The following EFNA5 variants were observed in gnomAD, a reference collection of about 807,000 sequenced individuals.
EFNA5 encodes the protein ephrin A5, also known as ephrin-A5.
Under a neutral mutation model 22.9 loss-of-function variants are expected in EFNA5, and 5 were observed. The observed-to-expected ratio is 0.22, with a 90% confidence interval of 0.11 to 0.46. EFNA5 has a LOEUF of 0.46. Ranked by LOEUF, EFNA5 falls within the 20% of genes least tolerant of loss-of-function variation. The pLI is 0.99. For missense variants in EFNA5, 237 were observed against 293.3 expected, an observed-to-expected ratio of 0.81 and a Z score of 1.40; for synonymous variants, 113 against 112.2, an observed-to-expected ratio of 1.01 and a Z score of -0.04.
chr5:107,535,364 T>G (rs145056449), intron 1 of EFNA5, among the ~76,000 whole-genome samples: 1 of 152,184 alleles, frequency 6.6e-6, no homozygotes, highest in Non-Finnish European at 1.5e-5. Context: ...TGATAAATAA[T>G]ACTGAAGAAC....
intron 1 of EFNA5, among the ~76,000 whole-genome samples, chr5:107,475,984 A>G (rs1442701239): frequency 6.9e-6 from 1 of 145,260 alleles, no homozygotes; most frequent in Non-Finnish European, 1.5e-5. Flanking sequence ...TTGAAATGGT[A>G]CAGTTTGAAC....
At chr5:107,617,123 C>T (rs1476513784) in intron 1 of EFNA5, among the ~76,000 whole-genome samples, 1 of 151,828 alleles carries the variant, frequency 6.6e-6, no homozygotes, top group Non-Finnish European at 1.5e-5. Context: ...AACCCTAATT[C>T]AGCAGATACC....
At chr5:107,481,392 C>T (rs560455264) in intron 1 of EFNA5, among the ~76,000 whole-genome samples, 35 of 152,044 alleles carry the variant, frequency 2.3e-4, no homozygotes, top group Non-Finnish European at 4.9e-4. Context: ...AGCAAGTGTG[C>T]CTTTGAGAAG....
At chr5:107,396,023 C>T (rs868600466) in intron 2 of EFNA5, among the ~76,000 whole-genome samples, 2 of 152,122 alleles carry the variant, frequency 1.3e-5, no homozygotes, top group Non-Finnish European at 2.9e-5. Context: ...ATTCCTCATT[C>T]GTAAGATATT....
intron 1 of EFNA5, among the ~76,000 whole-genome samples, chr5:107,663,305 CTAATCTCTAAGTAGG>C (rs1751003208): frequency 6.6e-6 from 1 of 152,038 alleles, no homozygotes; most frequent in South Asian, 2.1e-4. Flanking sequence ...CATATTTTTT[CTAATCTCTAAGTAGG>C]TATTCATGTG....
chr5:107,419,021 C>A (rs78515214), intron 2 of EFNA5, among the ~76,000 whole-genome samples: 2,326 of 152,300 alleles, frequency 0.015, 49 homozygotes, highest in African/African-American at 0.052. Context: ...GAATTGCCTC[C>A]TCCACCTTTG....
intron 2 of EFNA5, among the ~76,000 whole-genome samples, chr5:107,401,307 G>A (rs544818015): frequency 1.6e-3 from 247 of 152,200 alleles, no homozygotes; most frequent in African/African-American, 5.4e-3. Flanking sequence ...CTATTTTGCC[G>A]CTGCTTAGTG....
chr5:107,551,223 C>T (rs565843043), intron 1 of EFNA5, among the ~76,000 whole-genome samples: 6 of 152,270 alleles, frequency 3.9e-5, no homozygotes, highest in African/African-American at 9.6e-5. Flanking sequence ...AGGTGCAGAG[C>T]CAGGATTCAA....
At chr5:107,465,907 T>C (rs530121109) in intron 1 of EFNA5, among the ~76,000 whole-genome samples, 1 of 152,152 alleles carries the variant, frequency 6.6e-6, no homozygotes, top group East Asian at 1.9e-4. Context: ...GTACCAGACA[T>C]GTGCGGTGTG....
chr5:107,393,169 G>A (rs1747832807), intron 2 of EFNA5, among the ~76,000 whole-genome samples: 1 of 151,940 alleles, frequency 6.6e-6, no homozygotes, highest in African/African-American at 2.4e-5. Context: ...ATGGAAAGGT[G>A]GTCTTTAAAA....
chr5:107,512,183 C>T (rs1473534828), intron 1 of EFNA5, among the ~76,000 whole-genome samples: 1 of 152,092 alleles, frequency 6.6e-6, no homozygotes, highest in Non-Finnish European at 1.5e-5. Flanking sequence ...GAAGTCCCAC[C>T]CCACTGAGTC....
chr5:107,497,865 A>G (rs753582020), intron 1 of EFNA5, among the ~76,000 whole-genome samples: 12 of 152,262 alleles, frequency 7.9e-5, no homozygotes, highest in Non-Finnish European at 1.5e-4. Flanking sequence ...GAGAAAAACT[A>G]AAACATTTAA....
At chr5:107,466,244 C>T (rs756833715) in intron 1 of EFNA5, among the ~76,000 whole-genome samples, 8 of 152,240 alleles carry the variant, frequency 5.3e-5, no homozygotes, top group Admixed American at 1.3e-4. Flanking sequence ...AGACAATAGA[C>T]GGCTCATAAG....
At chr5:107,594,775 C>T (rs1029377186) in intron 1 of EFNA5, among the ~76,000 whole-genome samples, 2 of 152,180 alleles carry the variant, frequency 1.3e-5, no homozygotes, top group Non-Finnish European at 2.9e-5. Flanking sequence ...CCCTGTTTTA[C>T]CCCGTATGCA....
chr5:107,528,069 G>C (rs924929677), intron 1 of EFNA5, among the ~76,000 whole-genome samples: 1 of 152,198 alleles, frequency 6.6e-6, no homozygotes, highest in African/African-American at 2.4e-5. Context: ...GCACAAAATT[G>C]CATCTCTACA....
intron 1 of EFNA5, among the ~76,000 whole-genome samples, chr5:107,428,066 A>C (rs1748851893): frequency 6.6e-6 from 1 of 152,230 alleles, no homozygotes; most frequent in South Asian, 2.1e-4. Context: ...TTAGAAAGAC[A>C]ATTCCTAAAA....
intron 1 of EFNA5, among the ~76,000 whole-genome samples, chr5:107,510,748 A>G (rs1277034134): frequency 6.6e-6 from 1 of 152,180 alleles, no homozygotes; most frequent in African/African-American, 2.4e-5. Flanking sequence ...CTTTTTTTAT[A>G]AACCTCCTGG....
chr5:107,612,345 T>C (rs1052143251), intron 1 of EFNA5, among the ~76,000 whole-genome samples: 1 of 152,130 alleles, frequency 6.6e-6, no homozygotes, highest in Non-Finnish European at 1.5e-5. Context: ...TATTGAGGAA[T>C]GTCAGGTAAG....
intron 1 of EFNA5, among the ~76,000 whole-genome samples, chr5:107,580,551 T>C (rs12719573): frequency 0.29 from 44,564 of 151,400 alleles, 6,826 homozygotes; most frequent in Middle Eastern, 0.37. Flanking sequence ...GGTGAAACCC[T>C]GTCTCTACTA....
Sources: allele counts gnomAD v4.1 joint callset (sites outside exome capture counted in the v4.1 genomes callset), GRCh38; gene constraint gnomAD v4.1.1; transcripts MANE v1.5; gene names NCBI Gene and HGNC (gene_info 2026-07-23, HGNC 2026-07-21).